The following GAK variants were observed in gnomAD, a reference collection of about 807,000 sequenced individuals.
GAK encodes cyclin G associated kinase.
Under a neutral mutation model 143.9 loss-of-function variants are expected in GAK, and 79 were observed. That is an observed-to-expected ratio of 0.55 (90% confidence interval 0.46 to 0.66). The LOEUF (loss-of-function observed/expected upper bound fraction) is 0.66. Ranked by LOEUF, GAK falls within the 30% of genes least tolerant of loss-of-function variation. The pLI is 0.00. For missense variants in GAK, 1,693 were observed against 1,779.7 expected, an observed-to-expected ratio of 0.95 and a Z score of 0.88; for synonymous variants, 881 against 765.5, an observed-to-expected ratio of 1.15 and a Z score of -2.49.
intron 1 of GAK, among the ~76,000 whole-genome samples, chr4:925,272 G>A (rs1238705265): frequency 1.3e-5 from 2 of 152,098 alleles, no homozygotes; most frequent in South Asian, 2.1e-4. Flanking sequence ...TGGTGCCCCC[G>A]AGCAGCCTGC....
intron 11 of GAK, chr4:887,442 CACACATGCAT>C (rs1164880997): frequency 1.3e-5 from 2 of 151,626 alleles, no homozygotes; most frequent in Admixed American, 1.3e-4. Context: ...CAGGCACTCG[CACACATGCAT>C]ACACATGCAC....
chr4:915,113 C>T (rs1356813317), intron 1 of GAK, among the ~76,000 whole-genome samples: 87 of 123,532 alleles, frequency 7.0e-4, no homozygotes, highest in African/African-American at 2.6e-3. Context: ...ACACGGCCCC[C>T]CGCACTCAGC....
intron 1 of GAK, among the ~76,000 whole-genome samples, chr4:924,780 G>C (rs946008119): frequency 6.6e-6 from 1 of 152,108 alleles, no homozygotes; most frequent in Non-Finnish European, 1.5e-5. Flanking sequence ...CTGCTCTCAG[G>C]ATAGTGAGTG....
At chr4:858,907 G>T (rs536104127) in intron 24 of GAK, among the ~76,000 whole-genome samples, 3 of 152,332 alleles carry the variant, frequency 2.0e-5, no homozygotes, top group African/African-American at 7.2e-5. Flanking sequence ...AGCGTCCGGG[G>T]GTCACCGGCA....
intron 4 of GAK, among the ~76,000 whole-genome samples, chr4:910,366 C>A (rs1393558670): frequency 2.9e-5 from 4 of 135,752 alleles, no homozygotes; most frequent in Non-Finnish European, 6.4e-5. Context: ...AATGCAGGCC[C>A]CCCACAAAGC....
chr4:862,580 C>G (rs1396472768), intron 23 of GAK, among the ~76,000 whole-genome samples: 1 of 152,054 alleles, frequency 6.6e-6, no homozygotes, highest in Admixed American at 6.5e-5. Context: ...ATGGTGTCAA[C>G]CCGGGAGGCG....
Position 856,196 on chromosome 4 carries a change from GCTGCTCACAC to G in GAK, c.3283+3400_3283+3409del, listed in dbSNP as rs199519090. ...CAGCTGCTCACACCTGCTCACCACA[GCTGCTCACAC>G]CTGCTCACCACAGCTGCTCACCACC... On this transcript the variant is annotated intron_variant, in intron 24 of 27. Coordinates refer to ENST00000314167, the MANE Select transcript of GAK (RefSeq NM_005255.4). Among the ~76,000 whole-genome samples the G allele has an allele frequency of 5.6e-4, 81 of 145,418 alleles. No individual in the cohort carries two copies. In the Middle Eastern group the frequency reaches 0.011, roughly 21 times the overall value.
At chr4:882,631 T>C (rs1715373043) in intron 14 of GAK, 66 bp downstream of exon 14, 2 of 1,580,474 alleles carry the variant, frequency 1.3e-6, no homozygotes, top group East Asian at 4.5e-5. Context: ...TCAGATCCTG[T>C]TGAACTATGC....
chr4:864,330 C>T (rs905019700), intron 23 of GAK, among the ~76,000 whole-genome samples: 4 of 152,148 alleles, frequency 2.6e-5, no homozygotes, highest in Non-Finnish European at 2.9e-5. Flanking sequence ...CACTATGCTC[C>T]AGCCTGGGTG....
rs1321985926 is a variant in GAK at position 876,541 on chromosome 4, C to T, written c.2043G>A (p.Val681=). Residue 681 remains valine (V), a synonymous_variant, in exon 18 of 28, where the codon GTG becomes GTA. Transcript: ENST00000314167. The stretch of plus-strand genomic sequence containing the variant: ...CGGTACCAACGTACTTGGCAAATTT[C>T]ACAGTGGTGGCGTTCCGAGGCACAA... ...TGFVPRNATT[V]KFAKYDLDAC... 2 of 1,614,046 alleles carry T rather than the reference C, an allele frequency of 1.2e-6. No individual in the cohort carries two copies. The highest frequency in any genetic ancestry group is 4.5e-5 in the East Asian group (2 of 44,900).
chr4:932,219 G>A lies in GAK; in HGVS notation c.-32C>T, dbSNP rs1430200711. On this transcript the variant is annotated 5_prime_UTR_variant, in exon 1 of 28. Coordinates refer to ENST00000314167, the MANE Select transcript of GAK (RefSeq NM_005255.4). The surrounding 1 kb of genome is among the most constrained non-coding windows in gnomAD (Gnocchi z 4.0). Reference sequence around the variant, plus strand: ...GGCTGCGCCGCACCCCGCGGCAGCCGGAGTGGTCGGGCTCGGGCTCCCGCT... The same window carrying A: ...GGCTGCGCCGCACCCCGCGGCAGCCAGAGTGGTCGGGCTCGGGCTCCCGCT... 4 of 1,508,264 alleles carry A rather than the reference G, an allele frequency of 2.7e-6. No individual in the cohort carries two copies. The highest frequency in any genetic ancestry group is 8.8e-7 in the Non-Finnish European group (1 of 1,131,974). 93.4% of individuals were successfully genotyped at this position (1,508,264 alleles called of 1,614,324 possible).
chr4:920,695 C>G (rs1205476726), intron 1 of GAK, among the ~76,000 whole-genome samples: 7 of 151,794 alleles, frequency 4.6e-5, no homozygotes, highest in Admixed American at 3.3e-4. Flanking sequence ...AGGCGCCCAC[C>G]ACCACGCCTG....
intron 4 of GAK, among the ~76,000 whole-genome samples, chr4:907,278 C>G (rs530860279): frequency 6.6e-6 from 1 of 152,232 alleles, no homozygotes. Context: ...CCAGCTCTGC[C>G]GGCCCTGGCC....
chr4:913,465 A>G, intron 2 of GAK, 142 bp downstream of exon 2: 1 of 680,606 alleles, frequency 1.5e-6, no homozygotes, highest in Non-Finnish European at 2.6e-6. Context: ...GCTGAGATTC[A>G]GCAGAAGCAA....
At chr4:871,682 G>A (rs992283493) in intron 18 of GAK, among the ~76,000 whole-genome samples, 1 of 151,448 alleles carries the variant, frequency 6.6e-6, no homozygotes, top group Non-Finnish European at 1.5e-5. Flanking sequence ...CCCACCTTGG[G>A]GTGTCGGCCA....
Position 888,936 on chromosome 4 carries a change from G to T in GAK, c.1116C>A (p.Gly372=), listed in dbSNP as rs769549672. Reference sequence around the variant, plus strand: ...CACCCCGCAGAATGTCCAGGAAGCCGCCATACGGCTGGTCGTACTCCGCCA... The same window carrying T: ...CACCCCGCAGAATGTCCAGGAAGCCTCCATACGGCTGGTCGTACTCCGCCA... ...LALAEYDQPY[G]GFLDILRGGT... Residue 372 remains glycine, a synonymous_variant, in exon 11 of 28, where the codon GGC becomes GGA. Transcript: ENST00000314167. 1.6e-5 allele frequency: 26 copies of T among 1,612,198 alleles called. No individual in the cohort carries two copies. Among genetic ancestry groups the T allele is most frequent in the Non-Finnish European group, 2.2e-5 (26 of 1,179,650 alleles).
chr4:877,833 C>G, intron 15 of GAK, 24 bp from the exon 16 acceptor site: 2 of 1,552,678 alleles, frequency 1.3e-6, no homozygotes, highest in African/African-American at 1.4e-5. Context: ...TGCCGCGTCA[C>G]CACGTGACGT....
intron 23 of GAK, among the ~76,000 whole-genome samples, chr4:862,650 T>C (rs1180664870): frequency 1.4e-5 from 2 of 145,788 alleles, no homozygotes; most frequent in Non-Finnish European, 3.0e-5. Context: ...AAAGAGAGAC[T>C]CTGTCTCAAA....
intron 24 of GAK, among the ~76,000 whole-genome samples, chr4:856,165 C>CACCTGCT (rs1749088338): frequency 6.8e-6 from 1 of 148,136 alleles, no homozygotes; most frequent in Non-Finnish European, 1.5e-5. Flanking sequence ...CACCTGCTCA[C>CACCTGCT]CACCACAGCT....
Sources: gnomAD v4.1 joint callset for allele counts (sites outside exome capture counted in the v4.1 genomes callset) on GRCh38, gnomAD v4.1.1 for gene constraint, Gnocchi (gnomAD v3.1) non-coding constraint, MANE v1.5 for transcripts, NCBI Gene and HGNC (gene_info 2026-07-23, HGNC 2026-07-21) for gene names.